The following AIFM1 variants were observed in gnomAD, a reference collection of about 807,000 sequenced individuals.
The protein encoded by AIFM1 is apoptosis-inducing factor 1, mitochondrial.
In AIFM1, 3 loss-of-function variants were observed where a neutral mutation model predicts 51.7. That is an observed-to-expected ratio of 0.06 (90% CI 0.03 to 0.15). The LOEUF (loss-of-function observed/expected upper bound fraction) is 0.15. AIFM1 is among the 10% of genes least tolerant of loss of function. The pLI, the probability that AIFM1 is intolerant of heterozygous loss-of-function variation, is 1.00. For synonymous variants in AIFM1, 178 were observed against 179.4 expected, an observed-to-expected ratio of 0.99 and a Z score of 0.06; for missense variants, 330 against 476.8, an observed-to-expected ratio of 0.69 and a Z score of 2.87.
At chrX:130,137,462 A>G (rs771487502) in intron 9 of AIFM1, 11 of 1,166,132 alleles carry the variant, frequency 9.4e-6, no homozygotes, top group East Asian at 3.3e-5. Flanking sequence ...TAAGGCTTAC[A>G]TAAGTGCTTT....
intron 1 of AIFM1, among the ~76,000 whole-genome samples, chrX:130,164,153 G>GCGAGACT (rs2031451376): frequency 1.1e-5 from 1 of 87,853 alleles, no homozygotes; most frequent in African/African-American, 4.9e-5. Context: ...GGGCGACAAA[G>GCGAGACT]CGAGACTCCG....
At chrX:130,138,888 T>C (rs919250462) in intron 8 of AIFM1, among the ~76,000 whole-genome samples, 187 bp from the exon 9 acceptor site, 5 of 112,027 alleles carry the variant, frequency 4.5e-5, no homozygotes, top group African/African-American at 1.3e-4. Flanking sequence ...CTATAAACAG[T>C]GGTTCTCAAT....
chrX:130,146,451 A>G (rs370694331), intron 5 of AIFM1, among the ~76,000 whole-genome samples: 87 of 89,448 alleles, frequency 9.7e-4, no homozygotes, highest in Admixed American at 5.1e-3. Flanking sequence ...CTCTCAAAAT[A>G]TGTGTGTGTG....
chrX:130,165,403 A>C (rs1193246684), intron 1 of AIFM1, 148 bp downstream of exon 1: 8 of 532,368 alleles, frequency 1.5e-5, no homozygotes, highest in Non-Finnish European at 2.3e-5. Flanking sequence ...CGCTTGCAAG[A>C]CTCAGGGTTC....
At chrX:130,135,071 A>G (rs914688739) in intron 12 of AIFM1, among the ~76,000 whole-genome samples, 8 of 107,436 alleles carry the variant, frequency 7.4e-5, no homozygotes, top group Non-Finnish European at 1.3e-4. Context: ...TTCTACATTG[A>G]CCACATATTA....
At chrX:130,137,567 C>T in intron 9 of AIFM1, 2 of 1,156,058 alleles carry the variant, frequency 1.7e-6, no homozygotes, top group Non-Finnish European at 2.3e-6. Context: ...ATGAAACATT[C>T]CAACTGGAGC....
At chrX:130,146,668 GAGATC>G (rs1382012482) in intron 5 of AIFM1, among the ~76,000 whole-genome samples, 1 of 110,753 alleles carries the variant, frequency 9.0e-6, no homozygotes, top group Non-Finnish European at 1.9e-5. Context: ...TACTAGAATT[GAGATC>G]TAAGTTGTCC....
chrX:130,155,179 C>G, intron 2 of AIFM1: 1 of 1,211,688 alleles, frequency 8.3e-7, no homozygotes, highest in Non-Finnish European at 1.1e-6. Flanking sequence ...GCCCCAGTGA[C>G]TGTTGCTCCT....
At chrX:130,151,289 C>A (rs1486334750) in intron 2 of AIFM1, among the ~76,000 whole-genome samples, 1 of 109,841 alleles carries the variant, frequency 9.1e-6, no homozygotes, top group African/African-American at 3.3e-5. Flanking sequence ...TACAGGCACA[C>A]GCCACCATGC....
chrX:130,152,865 G>A (rs2031031444), intron 2 of AIFM1, among the ~76,000 whole-genome samples: 1 of 112,216 alleles, frequency 8.9e-6, no homozygotes, highest in East Asian at 2.8e-4. Flanking sequence ...TTAGTAGGCT[G>A]CAACCAGCAT....
chrX:130,157,388 A>C (rs1255602483), intron 1 of AIFM1, among the ~76,000 whole-genome samples: 1 of 112,064 alleles, frequency 8.9e-6, no homozygotes, highest in Non-Finnish European at 1.9e-5. Flanking sequence ...AGATAAAGGA[A>C]GGTCTCAGTC....
At chrX:130,142,749 G>A (rs748862336) in intron 6 of AIFM1, among the ~76,000 whole-genome samples, 38 of 111,350 alleles carry the variant, frequency 3.4e-4, no homozygotes, top group Non-Finnish European at 5.8e-4. Flanking sequence ...GGGTTCAAGC[G>A]ATTCTCGTGC....
At chrX:130,149,201 C>A (rs1011260091) in intron 3 of AIFM1, among the ~76,000 whole-genome samples, 1 of 111,474 alleles carries the variant, frequency 9.0e-6, no homozygotes, top group South Asian at 3.8e-4. Context: ...GGATGACAGG[C>A]GTGAGCCACC....
chrX:130,130,012 A>G lies in AIFM1; in HGVS notation c.1728T>C (p.Ile576=), dbSNP rs1249481057. The G allele has an allele frequency of 8.3e-7, 1 of 1,211,560 alleles. No individual in the cohort carries two copies. Among genetic ancestry groups the G allele is most frequent in the Admixed American group, 2.2e-5 (1 of 45,973 alleles). The change falls in exon 15 of 16, where the codon ATT becomes ATC. Residue 576 remains isoleucine, a synonymous_variant. Transcript: ENST00000287295. ...FYLRDKVVVG[I]VLWNIFNRMP... ...TTCGGTTAAAGATGTTCCATAGCACAATCCCCACGACCACTTTGTCCCTGA... is the reference window on the plus strand; with the variant it reads ...TTCGGTTAAAGATGTTCCATAGCACGATCCCCACGACCACTTTGTCCCTGA...
At chrX:130,158,679 C>T (rs1399985104) in intron 1 of AIFM1, among the ~76,000 whole-genome samples, 1 of 76,250 alleles carries the variant, frequency 1.3e-5, no homozygotes, top group Non-Finnish European at 2.4e-5. Context: ...ATAAAATACA[C>T]TAACACTAAC....
intron 7 of AIFM1, 63 bp downstream of exon 7, chrX:130,140,470 G>A (rs1480260061): frequency 2.1e-6 from 2 of 961,390 alleles, no homozygotes; most frequent in African/African-American, 1.9e-5. Flanking sequence ...CCATAGAGAA[G>A]GCTGGACTCT....
intron 2 of AIFM1, among the ~76,000 whole-genome samples, 168 bp from the exon 3 acceptor site, chrX:130,149,736 T>G (rs1028897581): frequency 5.4e-5 from 6 of 112,139 alleles, no homozygotes; most frequent in Non-Finnish European, 9.4e-5. Flanking sequence ...AAATACTGGG[T>G]GTGCACATGC....
chrX:130,150,359 G>A (rs1270798954), intron 2 of AIFM1, among the ~76,000 whole-genome samples: 4 of 73,695 alleles, frequency 5.4e-5, no homozygotes, highest in East Asian at 4.1e-4. Flanking sequence ...TTTTTGAGAC[G>A]GAGTCTCGCT....
chrX:130,163,397 C>T (rs1170778606), intron 1 of AIFM1, among the ~76,000 whole-genome samples: 1 of 110,422 alleles, frequency 9.1e-6, no homozygotes, highest in African/African-American at 3.3e-5. Context: ...CAAAAACACA[C>T]GGTAGATGCT....
Sources: allele counts gnomAD v4.1 joint callset (sites outside exome capture counted in the v4.1 genomes callset), GRCh38; gene constraint gnomAD v4.1.1; transcripts MANE v1.5; gene names NCBI Gene and HGNC (gene_info 2026-07-23, HGNC 2026-07-21).